The following DLC1 variants were observed in gnomAD, a reference collection of about 807,000 sequenced individuals.
DLC1 encodes the protein DLC1 Rho GTPase activating protein.
Under a neutral mutation model 140.3 loss-of-function variants are expected in DLC1, and 54 were observed. That is an observed-to-expected ratio of 0.38 (90% CI 0.31 to 0.48). The LOEUF (loss-of-function observed/expected upper bound fraction) is 0.48. Ranked by LOEUF, DLC1 falls within the 20% of genes least tolerant of loss-of-function variation. The probability of loss-of-function intolerance (pLI) is 0.96; values close to 1 mark genes in which losing one functional copy is unlikely to be tolerated. For synonymous variants in DLC1, 986 were observed against 728.1 expected, an observed-to-expected ratio of 1.35 and a Z score of -5.70; for missense variants, 2,536 against 1,907.0, an observed-to-expected ratio of 1.33 and a Z score of -6.14.
chr8:13,275,614 C>T (rs749573947), intron 5 of DLC1, among the ~76,000 whole-genome samples: 1 of 152,172 alleles, frequency 6.6e-6, no homozygotes, highest in Non-Finnish European at 1.5e-5. Context: ...CTCACTGGAC[C>T]CCTGCAAACA....
chr8:13,350,774 G>A (rs969323853), intron 4 of DLC1, among the ~76,000 whole-genome samples: 3 of 152,094 alleles, frequency 2.0e-5, no homozygotes, highest in African/African-American at 7.2e-5. Flanking sequence ...TTTCTAAATG[G>A]AAATTGTTCA....
intron 5 of DLC1, among the ~76,000 whole-genome samples, chr8:13,202,196 G>A (rs762227485): frequency 2.6e-5 from 4 of 151,988 alleles, no homozygotes; most frequent in Admixed American, 6.6e-5. Context: ...CACCGGCCTC[G>A]GCCTCCTAAA....
intron 1 of DLC1, among the ~76,000 whole-genome samples, chr8:13,552,228 T>TAC (rs761763947): frequency 6.9e-6 from 1 of 144,826 alleles, no homozygotes; most frequent in African/African-American, 2.5e-5. Context: ...TCTAGACAGA[T>TAC]ATATATATAT....
intron 5 of DLC1, among the ~76,000 whole-genome samples, chr8:13,147,728 G>A (rs1053218441): frequency 6.6e-6 from 1 of 151,944 alleles, no homozygotes; most frequent in African/African-American, 2.4e-5. Flanking sequence ...GGTGGCTCAC[G>A]CTTGTAATCC....
Position 13,102,845 on chromosome 8 carries a change from T to C in DLC1, c.1511A>G (p.Asn504Ser). Residue 504 changes from asparagine (N) to serine (S), a missense_variant, in exon 8 of 18, where the codon AAT becomes AGT. Transcript: ENST00000276297. ...CATCACCGCACATTTGTTTAAAGTATTTAGACGCCTATAGAGCAAAGAAAT... is the reference window on the plus strand; with the variant it reads ...CATCACCGCACATTTGTTTAAAGTACTTAGACGCCTATAGAGCAAAGAAAT... Reference protein sequence around the residue: ...DAIEALCRRLNTLNKCAVMKL... With the variant: ...DAIEALCRRLSTLNKCAVMKL... 6.2e-7 allele frequency: 1 copy of C among 1,614,010 alleles called. No individual in the cohort carries two copies. The highest frequency in any genetic ancestry group is 1.1e-5 in the South Asian group (1 of 91,062).
chr8:13,492,203 C>T (rs1245788923), intron 2 of DLC1, among the ~76,000 whole-genome samples: 2 of 150,798 alleles, frequency 1.3e-5, no homozygotes, highest in Non-Finnish European at 2.9e-5. Context: ...CACCTCTAGC[C>T]TGTTGGAGAT....
intron 1 of DLC1, among the ~76,000 whole-genome samples, chr8:13,528,412 C>T (rs960972950): frequency 1.9e-4 from 29 of 152,034 alleles, no homozygotes; most frequent in African/African-American, 2.7e-4. Context: ...ATATGTTGGG[C>T]AGCAAGTAGC....
chr8:13,204,204 T>G (rs919590), intron 5 of DLC1, among the ~76,000 whole-genome samples: 80,168 of 152,040 alleles, frequency 0.53, 22,623 homozygotes, highest in East Asian at 0.86. Flanking sequence ...AGGATTAGGA[T>G]GACGGGACCC....
chr8:13,236,766 A>G lies in DLC1; in HGVS notation c.1348+68503T>C, dbSNP rs1829300130. On this transcript the variant is annotated intron_variant, in intron 5 of 17. Coordinates refer to ENST00000276297, the MANE Select transcript of DLC1 (RefSeq NM_182643.3). ...TTATTATGAGTTTATTAAAATAAATACAACTTGAGATCAATATTCTGAGTT... is the reference window on the plus strand; with the variant it reads ...TTATTATGAGTTTATTAAAATAAATGCAACTTGAGATCAATATTCTGAGTT... Among the ~76,000 whole-genome samples, 4 of 152,230 alleles carry G rather than the reference A, an allele frequency of 2.6e-5. No homozygotes were observed. The South Asian group carries it at 8.3e-4, about 32-fold the overall frequency.
chr8:13,565,083 C>G (rs1804380246), intron 1 of DLC1, among the ~76,000 whole-genome samples: 2 of 152,260 alleles, frequency 1.3e-5, no homozygotes, highest in South Asian at 4.1e-4. Flanking sequence ...AAATATAGTA[C>G]TGTTGAGAAA....
At chr8:13,501,428 T>G (rs972061715) in intron 1 of DLC1, among the ~76,000 whole-genome samples, 6 of 152,146 alleles carry the variant, frequency 3.9e-5, no homozygotes, top group Non-Finnish European at 8.8e-5. Flanking sequence ...AAAATCCCAT[T>G]CACAGAGCAG....
At chr8:13,348,364 C>T (rs62493431) in intron 4 of DLC1, among the ~76,000 whole-genome samples, 45,808 of 151,950 alleles carry the variant, frequency 0.3, 7,638 homozygotes, top group East Asian at 0.39. Flanking sequence ...TCATTCAGGG[C>T]CATGAGCCAC....
At chr8:13,469,098 C>G (rs951071906) in intron 2 of DLC1, among the ~76,000 whole-genome samples, 1 of 152,100 alleles carries the variant, frequency 6.6e-6, no homozygotes, top group South Asian at 2.1e-4. Flanking sequence ...GGATTACAGG[C>G]GTGAGCCACC....
At chr8:13,336,533 G>T (rs1030267012) in intron 4 of DLC1, among the ~76,000 whole-genome samples, 11 of 152,178 alleles carry the variant, frequency 7.2e-5, no homozygotes, top group Non-Finnish European at 1.2e-4. Context: ...AAGCCATCAT[G>T]GTTGAACAAC....
intron 1 of DLC1, among the ~76,000 whole-genome samples, chr8:13,562,408 G>A (rs1388961293): frequency 6.6e-6 from 1 of 152,024 alleles, no homozygotes; most frequent in Non-Finnish European, 1.5e-5. Flanking sequence ...ATAGGTAAAA[G>A]AATATATGGT....
chr8:13,144,617 T>G (rs760435682), intron 5 of DLC1, among the ~76,000 whole-genome samples: 1 of 151,856 alleles, frequency 6.6e-6, no homozygotes, highest in Non-Finnish European at 1.5e-5. Context: ...TACAAAAAAT[T>G]AGCCAGGCGT....
intron 4 of DLC1, among the ~76,000 whole-genome samples, chr8:13,317,225 A>G (rs1216294961): frequency 6.6e-6 from 1 of 152,226 alleles, no homozygotes; most frequent in Non-Finnish European, 1.5e-5. Context: ...TAACATTAGC[A>G]ATAAGCCACA....
intron 1 of DLC1, among the ~76,000 whole-genome samples, chr8:13,555,704 G>A (rs1156388004): frequency 2.0e-5 from 3 of 150,560 alleles, no homozygotes; most frequent in African/African-American, 7.3e-5. Flanking sequence ...ATTTCACCAT[G>A]TTGGCCAGGC....
chr8:13,153,318 G>C (rs1043150426), intron 5 of DLC1, among the ~76,000 whole-genome samples: 3 of 152,120 alleles, frequency 2.0e-5, no homozygotes, highest in African/African-American at 4.8e-5. Flanking sequence ...CTCTCCTCCC[G>C]GCCAGAGCTC....
Sources: allele counts gnomAD v4.1 joint callset (sites outside exome capture counted in the v4.1 genomes callset), GRCh38; gene constraint gnomAD v4.1.1; transcripts MANE v1.5; gene names NCBI Gene and HGNC (gene_info 2026-07-23, HGNC 2026-07-21).